ROS1: variants seen among roughly 807,000 people sequenced by gnomAD.
ROS1 encodes proto-oncogene tyrosine-protein kinase ROS.
A neutral mutation model predicts 273.5 loss-of-function variants in ROS1; 263 were observed. The observed-to-expected ratio is 0.96, with a 90% CI of 0.87 to 1.06. ROS1 has a LOEUF of 1.06. ROS1 is among the 50% of genes least tolerant of loss of function. ROS1 has a pLI of 0.00. For synonymous variants in ROS1, 1,008 were observed against 954.1 expected, an observed-to-expected ratio of 1.06 and a Z score of -1.04; for missense variants, 2,833 against 2,751.1, an observed-to-expected ratio of 1.03 and a Z score of -0.67.
intron 43 of ROS1, 72 bp downstream of exon 43, chr6:117,300,902 G>T: frequency 2.4e-6 from 3 of 1,252,970 alleles, no homozygotes; most frequent in Non-Finnish European, 3.2e-6. Context: ...TGCTTTCTGT[G>T]TACATTCCAT....
rs1042323641 is a variant in ROS1 at position 117,343,086 on chromosome 6, G to T, written c.4507-542C>A. Among the ~76,000 whole-genome samples the T allele has an allele frequency of 2.7e-3, 393 of 144,064 alleles. 2 individuals carry two copies. The highest frequency in any genetic ancestry group is 7.8e-3 in the African/African-American group (309 of 39,514). The allele number at this position is 144,064 out of a possible 152,430, so 94.5% of individuals were successfully genotyped here. On this transcript the variant is annotated intron_variant, in intron 28 of 43. Transcript: ENST00000368507. ...GTGAAGCCTAGATGCAGAGTGTTTT[G>T]TTTTTTTTTTTTAAAGCTTCGATGT...
At chr6:117,330,184 C>T (rs1051318250) in intron 32 of ROS1, among the ~76,000 whole-genome samples, 2 of 152,232 alleles carry the variant, frequency 1.3e-5, no homozygotes, top group South Asian at 4.1e-4. Flanking sequence ...CGCCACAACC[C>T]AACACACCAG....
intron 2 of ROS1, 46 bp from the exon 3 acceptor site, chr6:117,416,363 G>C: frequency 7.8e-7 from 1 of 1,288,808 alleles, no homozygotes; most frequent in Non-Finnish European, 1.1e-6. Flanking sequence ...GAAGAAATGT[G>C]ACTTTTTCTT....
At chr6:117,370,029 A>G (rs779324170) in intron 18 of ROS1, among the ~76,000 whole-genome samples, 1 of 152,346 alleles carries the variant, frequency 6.6e-6, no homozygotes, top group East Asian at 1.9e-4. Context: ...ATATATATGG[A>G]TATATACATA....
In ROS1 at chr6:117,365,591, G is replaced by A. The variant is rs147350512; in HGVS notation, c.2948C>T (p.Ala983Val). 126 of 1,612,692 alleles carry A rather than the reference G, an allele frequency of 7.8e-5. No homozygotes were observed. Among genetic ancestry groups the A allele is most frequent in the Non-Finnish European group, 1.0e-4 (122 of 1,178,774 alleles). The change falls in exon 20 of 44, where the codon GCT becomes GTT. Residue 983 changes from alanine (A) to valine (V), a missense_variant. Transcript: ENST00000368507. Reference protein sequence around the residue: ...GVVFYSVEFSAHSKFLASEQH... With the variant: ...GVVFYSVEFSVHSKFLASEQH... ...GAACCAACACCATACCTTAGAATGA[G>A]CACTAAATTCTACACTGTAGAAAAC...
At chr6:117,377,537 C>T (rs941708781) in intron 18 of ROS1, among the ~76,000 whole-genome samples, 1 of 152,086 alleles carries the variant, frequency 6.6e-6, no homozygotes, top group Non-Finnish European at 1.5e-5. Flanking sequence ...ACTCATATCT[C>T]ACAACATACC....
rs1404057865 is a variant in ROS1 at position 117,344,173 on chromosome 6, C to T, written c.4393G>A (p.Ala1465Thr). The T allele has an allele frequency of 4.3e-6, 7 of 1,613,728 alleles. No homozygotes were observed. In the Admixed American group the frequency reaches 8.3e-5, roughly 19 times the overall value. Residue 1465 changes from alanine to threonine, a missense_variant, in exon 28 of 44, where the codon GCC becomes ACC. Physicochemically the swap from Ala to Thr is moderately conservative, Grantham distance 58. Transcript: ENST00000368507. ...NTSLTIRLPL[A>T]KTNLTWYGIT... ...CCATACCATGTGAGGTTTGTCTTGG[C>T]CAGAGGTAATCTGATTGTGAGGCTA...
At chr6:117,326,512 C>A (rs1776656857) in intron 33 of ROS1, 98 bp from the exon 34 acceptor site, 2 of 708,878 alleles carry the variant, frequency 2.8e-6, no homozygotes, top group East Asian at 6.2e-5. Flanking sequence ...CAGAGAGTGT[C>A]CTTTGGCACA....
chr6:117,405,272 C>T (rs920721057), intron 5 of ROS1, among the ~76,000 whole-genome samples: 13 of 152,128 alleles, frequency 8.5e-5, no homozygotes, highest in East Asian at 3.9e-4. Flanking sequence ...ACACCAGACA[C>T]GGACCAAATA....
At chr6:117,345,369 A>G (rs1192908925) in intron 27 of ROS1, among the ~76,000 whole-genome samples, 2 of 151,966 alleles carry the variant, frequency 1.3e-5, no homozygotes, top group African/African-American at 4.8e-5. Context: ...CTCTGTCCTC[A>G]CTCCACTTCA....
At chr6:117,300,724 T>C (rs1774652894) in intron 43 of ROS1, among the ~76,000 whole-genome samples, 1 of 152,182 alleles carries the variant, frequency 6.6e-6, no homozygotes. Context: ...GTCTAACATG[T>C]TAATTCTCCT....
chr6:117,339,546 G>T (rs967934904), intron 31 of ROS1, among the ~76,000 whole-genome samples: 5 of 152,106 alleles, frequency 3.3e-5, no homozygotes, highest in African/African-American at 1.2e-4. Flanking sequence ...GGCTCAAGTT[G>T]TTCAAAAGAG....
At chr6:117,291,776 T>G (rs191631018) in intron 43 of ROS1, among the ~76,000 whole-genome samples, 1 of 152,204 alleles carries the variant, frequency 6.6e-6, no homozygotes, top group Non-Finnish European at 1.5e-5. Context: ...TTCACAGAGG[T>G]ATTTTACTCT....
At chr6:117,420,800 C>T (rs1775695023) in intron 1 of ROS1, among the ~76,000 whole-genome samples, 1 of 151,930 alleles carries the variant, frequency 6.6e-6, no homozygotes, top group South Asian at 2.1e-4. Flanking sequence ...TATTATAGTG[C>T]AGTGCAGGCA....
rs1774718479 is a variant in ROS1, at chr6:117,409,477, A to G, written c.316+105T>C. Reference sequence around the variant, plus strand: ...AATAGATATTTTTGATCATATTGAGATGCAGAAATCAAGATGTTTTGAGAG... The same window carrying G: ...AATAGATATTTTTGATCATATTGAGGTGCAGAAATCAAGATGTTTTGAGAG... On this transcript the variant is annotated intron_variant, in intron 5 of 43. Coordinates refer to ENST00000368507, the MANE Select transcript of ROS1 (RefSeq NM_001378902.1). 4 of 794,372 alleles carry G rather than the reference A, an allele frequency of 5.0e-6. No homozygotes were observed. In the South Asian group the frequency reaches 5.7e-5, roughly 11 times the overall value. 49.2% of individuals were successfully genotyped at this position (794,372 alleles called of 1,614,324 possible).
chr6:117,410,510 G>A (rs910931820), intron 4 of ROS1, among the ~76,000 whole-genome samples: 2 of 152,072 alleles, frequency 1.3e-5, no homozygotes, highest in African/African-American at 4.8e-5. Context: ...GAAAAACACA[G>A]TACATAATTT....
chr6:117,352,046 C>T lies in ROS1; in HGVS notation c.4303+944G>A, dbSNP rs191754833. Among the ~76,000 whole-genome samples the T allele has an allele frequency of 5.1e-3, 774 of 152,086 alleles. 5 individuals carry two copies. Among genetic ancestry groups the T allele is most frequent in the Non-Finnish European group, 9.0e-3 (611 of 68,008 alleles). ...GATATTTGCACCTTAGTGGCAAAGA[C>T]GGCTTTGACAAAATACCAATGAGGC... On this transcript the variant is annotated intron_variant, in intron 27 of 43. Coordinates refer to ENST00000368507, the MANE Select transcript of ROS1 (RefSeq NM_001378902.1).
chr6:117,323,704 A>T (rs1776441246), intron 35 of ROS1, among the ~76,000 whole-genome samples: 1 of 152,142 alleles, frequency 6.6e-6, no homozygotes, highest in Admixed American at 6.6e-5. Context: ...GCATTTTATT[A>T]TCATTAAAGT....
chr6:117,335,908 T>C (rs1271673948), intron 32 of ROS1, among the ~76,000 whole-genome samples: 4 of 152,002 alleles, frequency 2.6e-5, no homozygotes, highest in African/African-American at 9.7e-5. Context: ...GGCACATGTA[T>C]ACCTATGTAA....
Sources: gnomAD v4.1 joint callset for allele counts (sites outside exome capture counted in the v4.1 genomes callset) on GRCh38, gnomAD v4.1.1 for gene constraint, MANE v1.5 for transcripts, NCBI Gene and HGNC (gene_info 2026-07-23, HGNC 2026-07-21) for gene names.